AKR1C8: variants seen among roughly 807,000 people sequenced by gnomAD.
The protein encoded by AKR1C8 is aldo-keto reductase family 1 member C-like protein 1.
the AKR1C8 span, among the ~76,000 whole-genome samples, chr10:5,160,374 G>T: frequency 6.7e-6 from 1 of 149,842 alleles, no homozygotes; most frequent in African/African-American, 2.4e-5. Context: ...CTCTGTTCTA[G>T]AATGGGAAAA....
chr10:5,144,346 T>G, the AKR1C8 span, among the ~76,000 whole-genome samples: 1 of 152,166 alleles, frequency 6.6e-6, no homozygotes, highest in Non-Finnish European at 1.5e-5. Context: ...AGGATTGACT[T>G]GGCGATGCGG....
the AKR1C8 span, among the ~76,000 whole-genome samples, chr10:5,127,659 C>T: frequency 7.2e-6 from 1 of 138,582 alleles, no homozygotes; most frequent in Non-Finnish European, 1.5e-5. Flanking sequence ...GAGGAGGTTG[C>T]AGCAGTGAGC....
At chr10:5,153,238 A>T in the AKR1C8 span, among the ~76,000 whole-genome samples, 1 of 152,228 alleles carries the variant, frequency 6.6e-6, no homozygotes, top group African/African-American at 2.4e-5. Context: ...GTTTTGCTTA[A>T]TAAATGAATG....
the AKR1C8 span, among the ~76,000 whole-genome samples, chr10:5,128,098 C>T: frequency 6.6e-6 from 1 of 152,244 alleles, no homozygotes; most frequent in African/African-American, 2.4e-5. Flanking sequence ...AGAAACCTCA[C>T]AAACTAGGAG....
the AKR1C8 span, chr10:5,132,525 G>A: frequency 7.9e-7 from 1 of 1,261,218 alleles, no homozygotes; most frequent in Non-Finnish European, 1.0e-6. Flanking sequence ...CCCACCTACA[G>A]ATCCAGTTAC....
At chr10:5,151,557 G>GTTTTTTTT in the AKR1C8 span, among the ~76,000 whole-genome samples, 1 of 132,660 alleles carries the variant, frequency 7.5e-6, no homozygotes, top group African/African-American at 2.8e-5. Flanking sequence ...TTCCCTTTGG[G>GTTTTTTTT]TTTTTTTTTT....
chr10:5,172,722 TTCAAAGA>T, the AKR1C8 span, among the ~76,000 whole-genome samples: 8 of 152,242 alleles, frequency 5.3e-5, no homozygotes, highest in African/African-American at 1.9e-4. Context: ...ACTGGTAAGT[TTCAAAGA>T]TCAAAGTCAT....
the AKR1C8 span, among the ~76,000 whole-genome samples, chr10:5,126,089 G>A: frequency 1.3e-5 from 2 of 152,160 alleles, no homozygotes; most frequent in Non-Finnish European, 2.9e-5. Context: ...GATTCAGTAG[G>A]GAAAGTCTAA....
At chr10:5,180,608 C>A in the AKR1C8 span, among the ~76,000 whole-genome samples, 1 of 152,228 alleles carries the variant, frequency 6.6e-6, no homozygotes, top group Non-Finnish European at 1.5e-5. Context: ...GGCAGGCCTC[C>A]TTGAGCTGTG....
chr10:5,162,151 T>C, the AKR1C8 span, among the ~76,000 whole-genome samples: 1 of 152,192 alleles, frequency 6.6e-6, no homozygotes, highest in Non-Finnish European at 1.5e-5. Flanking sequence ...GATACTGAGA[T>C]TTCCTTGAAT....
the AKR1C8 span, among the ~76,000 whole-genome samples, chr10:5,117,109 TAAATG>T: frequency 7.5e-3 from 1,123 of 148,942 alleles, 18 homozygotes; most frequent in African/African-American, 0.027. Context: ...TATGTAAAAT[TAAATG>T]AGCACTGGCA....
At chr10:5,140,060 T>C in the AKR1C8 span, among the ~76,000 whole-genome samples, 2 of 152,142 alleles carry the variant, frequency 1.3e-5, no homozygotes, top group Non-Finnish European at 2.9e-5. Context: ...TCATCATCAC[T>C]GGTCATCAGA....
At chr10:5,146,699 T>G in the AKR1C8 span, among the ~76,000 whole-genome samples, 1 of 152,196 alleles carries the variant, frequency 6.6e-6, no homozygotes, top group Non-Finnish European at 1.5e-5. Context: ...TTTACTCTGC[T>G]GACTGTTCCT....
the AKR1C8 span, chr10:5,161,003 A>C: frequency 7.2e-6 from 3 of 415,396 alleles, no homozygotes; most frequent in Admixed American, 2.8e-5. Flanking sequence ...GTGATTATTA[A>C]TCTGAGTGCA....
chr10:5,143,377 A>T, the AKR1C8 span, among the ~76,000 whole-genome samples: 1 of 151,882 alleles, frequency 6.6e-6, no homozygotes, highest in Admixed American at 6.6e-5. Context: ...TGATCTTTGC[A>T]CTCTAGGACT....
At chr10:5,129,525 T>A in the AKR1C8 span, among the ~76,000 whole-genome samples, 9,618 of 152,008 alleles carry the variant, frequency 0.063, 356 homozygotes, top group Middle Eastern at 0.082. Flanking sequence ...AGACCATTAG[T>A]GAGATTAACC....
chr10:5,144,390 G>GT, the AKR1C8 span, among the ~76,000 whole-genome samples: 3 of 152,098 alleles, frequency 2.0e-5, no homozygotes, highest in Admixed American at 1.3e-4. Context: ...CTTTAAAGTA[G>GT]TTTTTTCCAA....
chr10:5,150,730 C>G, the AKR1C8 span, among the ~76,000 whole-genome samples: 2 of 151,820 alleles, frequency 1.3e-5, no homozygotes, highest in African/African-American at 4.8e-5. Flanking sequence ...CATTTAGCCA[C>G]ATAATAATGC....
chr10:5,166,986 C>T, the AKR1C8 span, among the ~76,000 whole-genome samples: 10 of 151,062 alleles, frequency 6.6e-5, no homozygotes, highest in East Asian at 1.9e-4. Context: ...TATGAAGAGA[C>T]GCTTCTCAAA....
Sources: gnomAD v4.1 joint callset for allele counts (sites outside exome capture counted in the v4.1 genomes callset) on GRCh38, gnomAD v4.1.1 for gene constraint, MANE v1.5 for transcripts, NCBI Gene and HGNC (gene_info 2026-07-23, HGNC 2026-07-21) for gene names.